Variants in PTPRN2 observed in about 807,000 individuals in gnomAD.
PTPRN2 encodes receptor-type tyrosine-protein phosphatase N2.
A neutral mutation model predicts 118.8 loss-of-function variants in PTPRN2; 74 were observed. That is an observed-to-expected ratio of 0.62 (90% CI 0.52 to 0.76). The LOEUF (loss-of-function observed/expected upper bound fraction) is 0.76, where lower values mean the gene tolerates loss of function less well. Among genes scored for constraint, PTPRN2 ranks in the 30% least tolerant of loss-of-function variants. PTPRN2 has a pLI of 0.00. For synonymous variants in PTPRN2, 641 were observed against 608.0 expected (o/e 1.05, Z -0.80); for missense variants, 1,481 against 1,394.4 (o/e 1.06, Z -0.99).
At chr7:157,662,343 G>A (rs1411467931) in intron 13 of PTPRN2, among the ~76,000 whole-genome samples, 1 of 152,188 alleles carries the variant, frequency 6.6e-6, no homozygotes, top group South Asian at 2.1e-4. Flanking sequence ...ATGGTCCCTT[G>A]CCGAGTCAGC....
At chr7:157,689,861 GCTGGGATACT>G (rs201874504) in intron 12 of PTPRN2, among the ~76,000 whole-genome samples, 5,980 of 152,302 alleles carry the variant, frequency 0.039, 172 homozygotes, top group Non-Finnish European at 0.06. Flanking sequence ...TTCGCCGCCC[GCTGGGATACT>G]CCCATGGCTC....
At chr7:158,041,946 A>G (rs978167872) in intron 11 of PTPRN2, among the ~76,000 whole-genome samples, 1 of 152,194 alleles carries the variant, frequency 6.6e-6, no homozygotes, top group Admixed American at 6.5e-5. Context: ...TGTATCTTGC[A>G]ACACTCTTAG....
chr7:157,749,517 G>A (rs1345404969), intron 12 of PTPRN2, among the ~76,000 whole-genome samples: 13 of 138,950 alleles, frequency 9.4e-5, no homozygotes, highest in South Asian at 7.0e-4. Context: ...CCTGAGCTGC[G>A]GGCTGTTGAG....
intron 12 of PTPRN2, chr7:157,862,618 C>T (rs375272564): frequency 5.9e-5 from 9 of 152,378 alleles, no homozygotes; most frequent in East Asian, 1.9e-4. Flanking sequence ...GTGGAACCAC[C>T]GGTGCAGGCT....
In PTPRN2 at chr7:157,546,221, A is replaced by T. The variant is rs148851954; in HGVS notation, c.2976+2725T>A. Among the ~76,000 whole-genome samples, 1,158 of 152,304 alleles carry T rather than the reference A, an allele frequency of 7.6e-3. 19 individuals carry two copies. Among genetic ancestry groups the T allele is most frequent in the African/African-American group, 0.026 (1,095 of 41,566 alleles). ...CAGAAAACGGAGCTTCGGGTCACCA[A>T]GTGATCTGGGCAACAGGGCTGGGGT... On this transcript the variant is annotated intron_variant, in intron 22 of 22. Coordinates refer to ENST00000389418, the MANE Select transcript of PTPRN2 (RefSeq NM_002847.5).
intron 2 of PTPRN2, among the ~76,000 whole-genome samples, chr7:158,460,806 G>C (rs922036945): frequency 8.5e-5 from 13 of 152,234 alleles, no homozygotes; most frequent in African/African-American, 3.1e-4. Flanking sequence ...TGCAAGAAAT[G>C]TTCCACCCAC....
rs184415958 is a variant in PTPRN2 at position 158,255,870 on chromosome 7, C to T, written c.278-50597G>A. On this transcript the variant is annotated intron_variant, in intron 3 of 22. Coordinates refer to ENST00000389418, the MANE Select transcript of PTPRN2 (RefSeq NM_002847.5). ...GCACCCGTCCTCACTGCCTGACTAC[C>T]TTTCTCTGCCTGTTCCAGCTGGACC... Among the ~76,000 whole-genome samples the T allele has an allele frequency of 2.6e-3, 391 of 152,318 alleles. 5 individuals are homozygous for T. The highest frequency in any genetic ancestry group is 9.0e-3 in the African/African-American group (375 of 41,576).
intron 4 of PTPRN2, among the ~76,000 whole-genome samples, chr7:158,196,422 TG>T (rs1274383761): frequency 2.6e-5 from 4 of 152,272 alleles, no homozygotes; most frequent in Admixed American, 2.0e-4. Context: ...CCCTCCACCA[TG>T]GGGGTCTGCC....
At chr7:158,263,184 C>A (rs1797646462) in intron 3 of PTPRN2, among the ~76,000 whole-genome samples, 1 of 152,132 alleles carries the variant, frequency 6.6e-6, no homozygotes, top group Non-Finnish European at 1.5e-5. Context: ...ACTGCACACA[C>A]ATTCACACAC....
chr7:157,644,924 C>T (rs1449604018), intron 14 of PTPRN2, among the ~76,000 whole-genome samples: 4 of 152,250 alleles, frequency 2.6e-5, no homozygotes, highest in African/African-American at 4.8e-5. Context: ...GCTACCCAGC[C>T]GGCTCCTTTC....
chr7:157,822,674 T>C (rs1806924890), intron 12 of PTPRN2, among the ~76,000 whole-genome samples: 1 of 151,906 alleles, frequency 6.6e-6, no homozygotes, highest in African/African-American at 2.4e-5. Flanking sequence ...TGCATCCATC[T>C]ACACACTATC....
chr7:158,501,399 G>A (rs1408444137), intron 1 of PTPRN2, among the ~76,000 whole-genome samples: 1 of 152,178 alleles, frequency 6.6e-6, no homozygotes, highest in African/African-American at 2.4e-5. Context: ...CCCAGTGCTC[G>A]CATTCCTGCA....
rs539720316 is a variant in PTPRN2 at position 157,815,245 on chromosome 7, G to A, written c.1788+83428C>T. Among the ~76,000 whole-genome samples the A allele has an allele frequency of 3.3e-5, 5 of 152,382 alleles. No individual in the cohort carries two copies. The East Asian group carries it at 7.7e-4, about 23-fold the overall frequency. On this transcript the variant is annotated intron_variant, in intron 12 of 22. Transcript: ENST00000389418. ...GAAGAGCAGGGCCAGCCGTTTGCAG[G>A]ACGGGAGGCTGAGGCTGTGTGCACC...
intron 11 of PTPRN2, among the ~76,000 whole-genome samples, chr7:157,915,001 C>T (rs1417911079): frequency 1.3e-5 from 2 of 152,078 alleles, no homozygotes; most frequent in African/African-American, 2.4e-5. Flanking sequence ...TATATTTCTT[C>T]AAAAATTGTG....
chr7:158,086,915 A>G (rs1209834198), intron 10 of PTPRN2, among the ~76,000 whole-genome samples: 1 of 152,170 alleles, frequency 6.6e-6, no homozygotes, highest in Non-Finnish European at 1.5e-5. Flanking sequence ...TTTCAATTTT[A>G]TACTGTAGAG....
At position 157,591,268 on chromosome 7, in the gene PTPRN2, G is replaced by GA. The variant is rs1429312990; in HGVS notation, c.2496+3969dup. Among the ~76,000 whole-genome samples, 1 of 152,152 alleles carries GA rather than the reference G, an allele frequency of 6.6e-6. No individual in the cohort carries two copies. Among genetic ancestry groups the GA allele is most frequent in the Non-Finnish European group, 1.5e-5 (1 of 68,032 alleles). On this transcript the variant is annotated intron_variant, in intron 17 of 22. Transcript: ENST00000389418. This position sits in a 1 kb window ranked among gnomAD's most constrained non-coding sequence, Gnocchi z 4.4. ...TTCTCACGCTCACACTTTCTTCCTG[G>GA]AATTTGCTGATTACCGACAGAGAAG...
chr7:158,344,289 A>C (rs1308422216), intron 2 of PTPRN2, among the ~76,000 whole-genome samples: 1 of 152,152 alleles, frequency 6.6e-6, no homozygotes, highest in African/African-American at 2.4e-5. Context: ...CAGCAGGAAC[A>C]AGGCAGTTTA....
chr7:157,931,044 G>T (rs1799328038), intron 11 of PTPRN2, among the ~76,000 whole-genome samples: 1 of 152,146 alleles, frequency 6.6e-6, no homozygotes, highest in African/African-American at 2.4e-5. Context: ...TCTGAGTCAA[G>T]AACTCCTTCT....
rs546360028 is a variant in PTPRN2, at chr7:157,845,652, C to T, written c.1788+53021G>A. Among the ~76,000 whole-genome samples the T allele has an allele frequency of 1.1e-3, 163 of 152,302 alleles. 2 individuals are homozygous for T. The highest frequency in any genetic ancestry group is 1.5e-3 in the Non-Finnish European group (102 of 68,026). ...CTTGCAGATGCGGTAACCCACTGTG[C>T]GGCACAGAACCTCCCCGCGGGGCAG... On this transcript the variant is annotated intron_variant, in intron 12 of 22. Transcript: ENST00000389418. The surrounding 1 kb of genome is among the most constrained non-coding windows in gnomAD (Gnocchi z 4.5).
Sources: gnomAD v4.1 joint callset for allele counts (sites outside exome capture counted in the v4.1 genomes callset) on GRCh38, gnomAD v4.1.1 for gene constraint, Gnocchi (gnomAD v3.1) non-coding constraint, MANE v1.5 for transcripts, NCBI Gene and HGNC (gene_info 2026-07-23, HGNC 2026-07-21) for gene names.